Variants in IRAG1 observed in about 807,000 individuals in gnomAD.
The protein encoded by IRAG1 is inositol 1,4,5-triphosphate receptor associated 1, also known as IP3R-associated cGMP kinase substrate.
IRAG1 carries 62 observed loss-of-function variants against 106.2 expected under a neutral mutation model. The ratio of observed to expected loss-of-function variants is 0.58; its 90% confidence interval spans 0.48 to 0.72. The LOEUF (loss-of-function observed/expected upper bound fraction) is 0.72, where lower values mean the gene tolerates loss of function less well. Among genes scored for constraint, IRAG1 ranks in the 30% least tolerant of loss-of-function variants. The pLI is 0.00. For missense variants in IRAG1, 1,064 were observed against 1,140.7 expected, an observed-to-expected ratio of 0.93 and a Z score of 0.97; for synonymous variants, 462 against 443.9, an observed-to-expected ratio of 1.04 and a Z score of -0.51.
intron 18 of IRAG1, among the ~76,000 whole-genome samples, chr11:10,590,478 C>T (rs1852520008): frequency 6.6e-6 from 1 of 152,094 alleles, no homozygotes; most frequent in South Asian, 2.1e-4. Flanking sequence ...TGAAAAGGGT[C>T]CCAACATACA....
intron 13 of IRAG1, 50 bp from the exon 14 acceptor site, chr11:10,603,301 C>T: frequency 6.3e-7 from 1 of 1,595,298 alleles, no homozygotes; most frequent in Non-Finnish European, 8.6e-7. Flanking sequence ...ATGTTATGGA[C>T]TAAATCAGCA....
intron 11 of IRAG1, among the ~76,000 whole-genome samples, chr11:10,608,576 G>A (rs775577858): frequency 1.3e-5 from 2 of 152,154 alleles, no homozygotes; most frequent in African/African-American, 2.4e-5. Flanking sequence ...ATAGGTACCC[G>A]GGGGCAGAGC....
chr11:10,653,587 A>G lies in IRAG1; in HGVS notation c.68-1405T>C, dbSNP rs112267931. Among the ~76,000 whole-genome samples the G allele has an allele frequency of 1.1e-3, 170 of 152,262 alleles. 1 individual carries two copies. The highest frequency in any genetic ancestry group is 3.5e-3 in the African/African-American group (146 of 41,544). On this transcript the variant is annotated intron_variant, in intron 1 of 20. Transcript: ENST00000423302. ...AAGAACACAGGCTTTGGAACCAGAT[A>G]TCTCGGTGTGAGTCCTCACTTTGCC... is the stretch of plus-strand genomic sequence containing the variant.
intron 2 of IRAG1, among the ~76,000 whole-genome samples, chr11:10,649,685 T>C (rs151051775): frequency 4.5e-4 from 68 of 152,172 alleles, no homozygotes; most frequent in African/African-American, 1.6e-3. Flanking sequence ...AAAATGCATA[T>C]AGGTACAGTG....
In IRAG1 at chr11:10,581,893, C is replaced by A. The variant is rs750078871; in HGVS notation, c.2334G>T (p.Arg778Ser). 4.3e-6 allele frequency: 7 copies of A among 1,613,888 alleles called. No individual in the cohort carries two copies. The East Asian group carries it at 1.6e-4, about 36-fold the overall frequency. The part of the protein sequence containing the change: ...LEELSQETKA[R>S]MEEEAYSKGF... ...CCTTGCTGTAGGCTTCTTCCTCCAT[C>A]CTGGCCTTGGTCTCCTGACTAAGCT... The change falls in exon 19 of 21, where the codon AGG becomes AGT. Residue 778 changes from arginine to serine, a missense_variant. Coordinates refer to ENST00000423302, the MANE Select transcript of IRAG1 (RefSeq NM_130385.4).
intron 15 of IRAG1, 33 bp from the exon 16 acceptor site, chr11:10,594,228 G>A (rs1308801901): frequency 6.3e-7 from 1 of 1,596,316 alleles, no homozygotes; most frequent in East Asian, 2.3e-5. Context: ...AGAGAACACA[G>A]GTAAGTTTCA....
chr11:10,614,695 G>A (rs1390005195), intron 10 of IRAG1, among the ~76,000 whole-genome samples: 2 of 152,212 alleles, frequency 1.3e-5, no homozygotes, highest in African/African-American at 4.8e-5. Flanking sequence ...ATGGGGAAAG[G>A]AGTCCTATTT....
chr11:10,648,426 A>C (rs1228587568), intron 2 of IRAG1, among the ~76,000 whole-genome samples: 1 of 152,186 alleles, frequency 6.6e-6, no homozygotes, highest in African/African-American at 2.4e-5. Context: ...CCAATTCAGT[A>C]GGTCTTGGAT....
In IRAG1 at chr11:10,574,335, G is replaced by A. The variant is rs971169379; in HGVS notation, c.*1997C>T. The A allele has an allele frequency of 6.6e-6, 1 of 152,172 alleles. No homozygotes were observed. Among genetic ancestry groups the A allele is most frequent in the African/African-American group, 2.4e-5 (1 of 41,430 alleles). 9.4% of individuals were successfully genotyped at this position (152,172 alleles called of 1,614,324 possible). A position where few individuals can be genotyped will look rare whatever the true frequency, so the allele number is the denominator to read the frequency against. On this transcript the variant is annotated 3_prime_UTR_variant, in exon 21 of 21. Transcript: ENST00000423302. ...TCTCCACCACCTTAAATGTTTGCTT[G>A]TTCTTTTGAGCAACATTTAATGACA...
chr11:10,598,925 G>T (rs539465357), intron 15 of IRAG1, among the ~76,000 whole-genome samples: 169 of 152,312 alleles, frequency 1.1e-3, no homozygotes, highest in Non-Finnish European at 2.0e-3. Flanking sequence ...AAAGATTGCA[G>T]AGGTTGTATA....
rs77981883 is a variant in IRAG1, at chr11:10,617,084, G to A, written c.1447+6694C>T. On this transcript the variant is annotated intron_variant, in intron 10 of 20. Coordinates refer to ENST00000423302, the MANE Select transcript of IRAG1 (RefSeq NM_130385.4). ...GCCTCTTTCCTGCCCAAGACCTGAGGCTCTGAGTCTAGACTGGGGGTTTTG... is the reference window on the plus strand; with the variant it reads ...GCCTCTTTCCTGCCCAAGACCTGAGACTCTGAGTCTAGACTGGGGGTTTTG... 55 of 985,280 alleles carry A rather than the reference G, an allele frequency of 5.6e-5. No individual in the cohort carries two copies. The African/African-American group carries it at 9.1e-4, about 16-fold the overall frequency. The allele number at this position is 985,280 out of a possible 1,614,324, so 61.0% of individuals were successfully genotyped here.
intron 2 of IRAG1, among the ~76,000 whole-genome samples, chr11:10,636,231 GT>G (rs1857136198): frequency 6.6e-6 from 1 of 152,202 alleles, no homozygotes; most frequent in African/African-American, 2.4e-5. Context: ...CTTCAGTGCA[GT>G]GGCACAATCA....
intron 14 of IRAG1, among the ~76,000 whole-genome samples, chr11:10,602,265 C>T (rs1469455235): frequency 1.3e-5 from 2 of 152,244 alleles, no homozygotes; most frequent in East Asian, 3.8e-4. Context: ...CCAGGAACCT[C>T]CTCTCATGTA....
intron 1 of IRAG1, among the ~76,000 whole-genome samples, chr11:10,680,404 G>GGAGGAAAGAAAGGAAA (rs1861117606): frequency 1.2e-5 from 1 of 82,090 alleles, no homozygotes; most frequent in East Asian, 5.3e-4. Context: ...AAGGAAGGAA[G>GGAGGAAAGAAAGGAAA]GAAAGAAAGG....
At chr11:10,602,938 C>T (rs1203075546) in intron 14 of IRAG1, among the ~76,000 whole-genome samples, 182 bp downstream of exon 14, 3 of 152,180 alleles carry the variant, frequency 2.0e-5, no homozygotes, top group African/African-American at 7.2e-5. Flanking sequence ...TTCCACAAAG[C>T]ACCTTGAGGG....
intron 1 of IRAG1, among the ~76,000 whole-genome samples, chr11:10,686,944 C>G: frequency 6.6e-6 from 1 of 152,214 alleles, no homozygotes. Context: ...TAAGAGATCA[C>G]TTGCTCCCTG....
chr11:10,634,718 A>G (rs1857004080), intron 2 of IRAG1, among the ~76,000 whole-genome samples: 1 of 148,292 alleles, frequency 6.7e-6, no homozygotes, highest in African/African-American at 2.5e-5. Flanking sequence ...GCAAAAGGTG[A>G]GATTTCCTTC....
chr11:10,683,101 T>G (rs2135222334), intron 1 of IRAG1, among the ~76,000 whole-genome samples: 1 of 152,338 alleles, frequency 6.6e-6, no homozygotes, highest in Admixed American at 6.5e-5. Context: ...CAAAGTACAC[T>G]TCCTTAATAT....
intron 1 of IRAG1, chr11:10,687,863 C>A: frequency 7.0e-6 from 8 of 1,145,934 alleles, no homozygotes; most frequent in African/African-American, 1.8e-5. Flanking sequence ...AGGGATTTAG[C>A]TTTGCTTTTT....
Sources: gnomAD v4.1 joint callset for allele counts (sites outside exome capture counted in the v4.1 genomes callset) on GRCh38, gnomAD v4.1.1 for gene constraint, MANE v1.5 for transcripts, NCBI Gene and HGNC (gene_info 2026-07-23, HGNC 2026-07-21) for gene names.